Variants in ERC1 observed in about 807,000 individuals in gnomAD.
ERC1 encodes RAB6 interacting protein 2.
Under a neutral mutation model 132.0 loss-of-function variants are expected in ERC1, and 56 were observed. The ratio of observed to expected loss-of-function variants is 0.42; its 90% confidence interval spans 0.34 to 0.53. The LOEUF is 0.53. Among genes scored for constraint, ERC1 ranks in the 20% least tolerant of loss-of-function variants. The pLI is 0.03. For synonymous variants in ERC1, 478 were observed against 476.1 expected (o/e 1.00, Z -0.05); for missense variants, 1,202 against 1,349.9 (o/e 0.89, Z 1.72).
intron 1 of ERC1, among the ~76,000 whole-genome samples, chr12:1,018,543 A>G (rs1965875822): frequency 6.6e-6 from 1 of 152,212 alleles, no homozygotes; most frequent in South Asian, 2.1e-4. Flanking sequence ...TACTGTTTAA[A>G]GATAGAGAAA....
At chr12:1,015,146 G>A (rs1022145405) in intron 1 of ERC1, among the ~76,000 whole-genome samples, 3 of 151,216 alleles carry the variant, frequency 2.0e-5, no homozygotes, top group South Asian at 2.1e-4. Context: ...TTGGCTCACT[G>A]CAACCTCTGC....
intron 16 of ERC1, among the ~76,000 whole-genome samples, chr12:1,372,414 C>T (rs1391405649): frequency 2.0e-5 from 3 of 152,050 alleles, no homozygotes; most frequent in Non-Finnish European, 4.4e-5. Flanking sequence ...CTTTTCCAGC[C>T]TAAATGCTCT....
chr12:997,973 C>T (rs1036571050), intron 1 of ERC1, among the ~76,000 whole-genome samples: 5 of 152,090 alleles, frequency 3.3e-5, no homozygotes, highest in African/African-American at 7.2e-5. Flanking sequence ...ATTTTTCCAC[C>T]CTATTGGCTT....
intron 3 of ERC1, among the ~76,000 whole-genome samples, chr12:1,094,654 G>T (rs972068242): frequency 2.0e-5 from 3 of 152,058 alleles, no homozygotes; most frequent in African/African-American, 7.2e-5. Flanking sequence ...CAAGTGATTC[G>T]CTGGTCTTGG....
intron 8 of ERC1, among the ~76,000 whole-genome samples, chr12:1,155,572 G>T (rs1173755484): frequency 6.6e-6 from 1 of 152,098 alleles, no homozygotes. Context: ...ACCTCCCTGG[G>T]TTCACACCAT....
chr12:1,221,380 G>A (rs1204434527), intron 12 of ERC1, among the ~76,000 whole-genome samples: 1 of 152,172 alleles, frequency 6.6e-6, no homozygotes, highest in Non-Finnish European at 1.5e-5. Context: ...TAGTGTAGTA[G>A]TGAGAATAAG....
At chr12:1,158,742 C>A (rs1043460580) in intron 8 of ERC1, among the ~76,000 whole-genome samples, 43 of 152,062 alleles carry the variant, frequency 2.8e-4, no homozygotes, top group African/African-American at 1.0e-3. Context: ...TGTGAGCCAC[C>A]GCGCCTGGCT....
At chr12:1,376,165 G>A (rs4562882) in intron 16 of ERC1, among the ~76,000 whole-genome samples, 61,678 of 152,040 alleles carry the variant, frequency 0.41, 13,761 homozygotes, top group African/African-American at 0.59. Context: ...GGGCAGTTAG[G>A]AAAAAGAGGT....
intron 17 of ERC1, among the ~76,000 whole-genome samples, chr12:1,432,179 G>A (rs576755233): frequency 1.3e-5 from 2 of 152,298 alleles, no homozygotes; most frequent in East Asian, 1.9e-4. Context: ...TGCAAACTGT[G>A]TACTTCCTGC....
chr12:1,186,563 A>G (rs544971802), intron 11 of ERC1, among the ~76,000 whole-genome samples: 3 of 152,324 alleles, frequency 2.0e-5, no homozygotes, highest in Admixed American at 6.5e-5. Flanking sequence ...TTATTTCACT[A>G]AAGTTTGCAG....
At chr12:1,321,644 G>A (rs1267732999) in intron 15 of ERC1, among the ~76,000 whole-genome samples, 2 of 152,076 alleles carry the variant, frequency 1.3e-5, no homozygotes, top group Non-Finnish European at 2.9e-5. Flanking sequence ...ATGGCTTTAG[G>A]TGATATACTG....
chr12:1,255,502 G>T (rs1423966918), intron 13 of ERC1, among the ~76,000 whole-genome samples: 1 of 151,280 alleles, frequency 6.6e-6, no homozygotes, highest in African/African-American at 2.4e-5. Flanking sequence ...TCTAGTTCTA[G>T]ATCCTTGAGG....
intron 17 of ERC1, among the ~76,000 whole-genome samples, chr12:1,420,449 A>C (rs561650189): frequency 2.7e-5 from 4 of 149,712 alleles, no homozygotes; most frequent in South Asian, 2.1e-4. Flanking sequence ...TTTTTATTTT[A>C]TTTATTTATT....
At chr12:1,347,560 G>A (rs1031519653) in intron 15 of ERC1, among the ~76,000 whole-genome samples, 1 of 152,172 alleles carries the variant, frequency 6.6e-6, no homozygotes, top group Non-Finnish European at 1.5e-5. Flanking sequence ...ACTCAGGATT[G>A]TCTATTTTGA....
At chr12:1,077,076 A>G (rs756103979) in intron 2 of ERC1, among the ~76,000 whole-genome samples, 1 of 152,186 alleles carries the variant, frequency 6.6e-6, no homozygotes, top group Non-Finnish European at 1.5e-5. Flanking sequence ...ATGTATTTAT[A>G]TGTTTCAGAA....
chr12:1,115,994 G>T lies in ERC1; in HGVS notation c.1530G>T (p.Leu510Phe). The T allele has an allele frequency of 6.2e-7, 1 of 1,613,982 alleles. No homozygotes were observed. The highest frequency in any genetic ancestry group is 1.1e-5 in the South Asian group (1 of 91,032). ...ACATTGAAGTGTTGAAGGAGTCCTT[G>T]ACTGCTAAGGAGCAGAGGGCTGCCA... is the stretch of plus-strand genomic sequence containing the variant. ...KQHIEVLKES[L>F]TAKEQRAAIL... The change falls in exon 7 of 19, where the codon TTG becomes TTT. Residue 510 changes from leucine (L) to phenylalanine (F), a missense_variant. Coordinates refer to ENST00000360905, the MANE Select transcript of ERC1 (RefSeq NM_178040.4).
chr12:1,363,974 G>A (rs2086417702), intron 15 of ERC1, among the ~76,000 whole-genome samples: 1 of 152,216 alleles, frequency 6.6e-6, no homozygotes, highest in Non-Finnish European at 1.5e-5. Flanking sequence ...ACTTGCCATT[G>A]TGCTGCAGGA....
chr12:1,351,689 AATTG>A (rs1218251429), intron 15 of ERC1, among the ~76,000 whole-genome samples: 11 of 152,118 alleles, frequency 7.2e-5, no homozygotes, highest in African/African-American at 2.7e-4. Flanking sequence ...TTCAATTTTT[AATTG>A]ATACAACATA....
chr12:1,362,060 A>G (rs979195713), intron 15 of ERC1, among the ~76,000 whole-genome samples: 3 of 152,178 alleles, frequency 2.0e-5, no homozygotes, highest in African/African-American at 4.8e-5. Context: ...ATTATCTTGC[A>G]TCCCTCTAGA....
Sources: allele counts gnomAD v4.1 joint callset (sites outside exome capture counted in the v4.1 genomes callset), GRCh38; gene constraint gnomAD v4.1.1; transcripts MANE v1.5; gene names NCBI Gene and HGNC (gene_info 2026-07-23, HGNC 2026-07-21).